Variants in QTMAN observed in about 807,000 individuals in gnomAD.
QTMAN encodes queuosine-tRNA mannosyltransferase.
the QTMAN span, among the ~76,000 whole-genome samples, chr2:144,068,730 A>G: frequency 1.3e-5 from 2 of 152,218 alleles, no homozygotes; most frequent in African/African-American, 4.8e-5. Flanking sequence ...ATGCCAAAAC[A>G]AAGATTTTAT....
At chr2:144,040,934 A>G in the QTMAN span, among the ~76,000 whole-genome samples, 1 of 152,232 alleles carries the variant, frequency 6.6e-6, no homozygotes, top group Admixed American at 6.5e-5. Context: ...CTTCTCTTCC[A>G]GAGTGTACTC....
the QTMAN span, among the ~76,000 whole-genome samples, chr2:144,016,407 T>C: frequency 2.0e-5 from 3 of 152,208 alleles, no homozygotes; most frequent in Non-Finnish European, 4.4e-5. Context: ...AATATGATGA[T>C]AGTATAGGAC....
the QTMAN span, among the ~76,000 whole-genome samples, chr2:144,190,717 T>C: frequency 6.6e-6 from 1 of 152,184 alleles, no homozygotes; most frequent in African/African-American, 2.4e-5. Context: ...AAATTTTTAA[T>C]GATGTAGAAG....
At chr2:144,151,794 G>C in the QTMAN span, among the ~76,000 whole-genome samples, 1 of 152,114 alleles carries the variant, frequency 6.6e-6, no homozygotes, top group Non-Finnish European at 1.5e-5. Flanking sequence ...AGAGATAACT[G>C]AGTTCTAATA....
At chr2:144,144,496 G>A in the QTMAN span, among the ~76,000 whole-genome samples, 1 of 151,780 alleles carries the variant, frequency 6.6e-6, no homozygotes, top group African/African-American at 2.4e-5. Flanking sequence ...TATTGATAAA[G>A]CACAAAATGA....
At chr2:144,217,440 TA>T in the QTMAN span, among the ~76,000 whole-genome samples, 88 of 152,020 alleles carry the variant, frequency 5.8e-4, no homozygotes, top group African/African-American at 2.0e-3. Flanking sequence ...ATTTAAATGA[TA>T]TATATATAAC....
chr2:144,139,305 G>A, the QTMAN span, among the ~76,000 whole-genome samples: 6,731 of 152,116 alleles, frequency 0.044, 498 homozygotes, highest in African/African-American at 0.15. Context: ...ATATTCAGAT[G>A]CCAATAAATA....
At chr2:144,115,534 T>C in the QTMAN span, among the ~76,000 whole-genome samples, 1 of 152,218 alleles carries the variant, frequency 6.6e-6, no homozygotes. Context: ...GGAAGAGTGA[T>C]GATCCACCAG....
At chr2:144,237,172 A>C in the QTMAN span, 1 of 152,116 alleles carries the variant, frequency 6.6e-6, no homozygotes, top group Non-Finnish European at 1.5e-5. Flanking sequence ...CAATATTTCA[A>C]TTTGTGATAC....
At chr2:144,317,250 A>G in the QTMAN span, among the ~76,000 whole-genome samples, 20 of 152,280 alleles carry the variant, frequency 1.3e-4, no homozygotes, top group African/African-American at 4.1e-4. Context: ...TTTAAAGAAA[A>G]GCATTTTAAC....
chr2:143,958,380 T>C, the QTMAN span, among the ~76,000 whole-genome samples: 1 of 152,050 alleles, frequency 6.6e-6, no homozygotes, highest in African/African-American at 2.4e-5. Context: ...ATTTTAGAAA[T>C]TGTAAAATAC....
the QTMAN span, among the ~76,000 whole-genome samples, chr2:144,220,546 C>A: frequency 5.9e-5 from 9 of 152,180 alleles, no homozygotes; most frequent in South Asian, 4.1e-4. Flanking sequence ...ACCCTATAGC[C>A]AGAGTATTCC....
chr2:144,081,805 G>C, the QTMAN span, among the ~76,000 whole-genome samples: 2 of 152,128 alleles, frequency 1.3e-5, no homozygotes, highest in East Asian at 3.9e-4. Context: ...CATTATTCTT[G>C]ACTGGGGATT....
At chr2:144,272,826 T>C in the QTMAN span, among the ~76,000 whole-genome samples, 9 of 152,306 alleles carry the variant, frequency 5.9e-5, no homozygotes, top group South Asian at 1.9e-3. Flanking sequence ...ATTTCATTAT[T>C]TGATTCTTTA....
At chr2:144,246,579 CAAAAAAA>C in the QTMAN span, among the ~76,000 whole-genome samples, 17 of 47,072 alleles carry the variant, frequency 3.6e-4, no homozygotes, top group Non-Finnish European at 4.6e-4. Context: ...GACTCCGTCT[CAAAAAAA>C]AAAAAAAAAA....
the QTMAN span, among the ~76,000 whole-genome samples, chr2:144,062,472 T>C: frequency 2.0e-4 from 30 of 152,312 alleles, no homozygotes; most frequent in African/African-American, 7.2e-4. Context: ...ATATTACCTT[T>C]AGTAAGTGAA....
chr2:143,998,295 C>T, the QTMAN span, among the ~76,000 whole-genome samples: 1 of 152,024 alleles, frequency 6.6e-6, no homozygotes, highest in Non-Finnish European at 1.5e-5. Context: ...TATGAGTATA[C>T]ATCTGAGTAA....
At chr2:144,197,684 A>G in the QTMAN span, among the ~76,000 whole-genome samples, 1 of 152,176 alleles carries the variant, frequency 6.6e-6, no homozygotes, top group Admixed American at 6.5e-5. Flanking sequence ...AGCAAATAAC[A>G]CAACTTTCAT....
At chr2:144,226,248 G>A in the QTMAN span, among the ~76,000 whole-genome samples, 1 of 152,178 alleles carries the variant, frequency 6.6e-6, no homozygotes, top group Non-Finnish European at 1.5e-5. Context: ...AGCTACCCAT[G>A]TTAGAAGCAT....
Sources: gnomAD v4.1 joint callset for allele counts (sites outside exome capture counted in the v4.1 genomes callset) on GRCh38, gnomAD v4.1.1 for gene constraint, MANE v1.5 for transcripts, NCBI Gene and HGNC (gene_info 2026-07-23, HGNC 2026-07-21) for gene names.